Variants in PRELID2 observed in about 807,000 individuals in gnomAD.
PRELID2 encodes the protein PRELI domain-containing protein 2.
A neutral mutation model predicts 28.4 loss-of-function variants in PRELID2; 25 were observed. The observed-to-expected ratio is 0.88, with a 90% CI of 0.64 to 1.23. PRELID2 has a LOEUF of 1.23. Among genes scored for constraint, PRELID2 ranks in the 50% most tolerant of loss-of-function variants. PRELID2 has a pLI of 0.00. For synonymous variants in PRELID2, 76 were observed against 71.6 expected (o/e 1.06, Z -0.31); for missense variants, 201 against 214.4 (o/e 0.94, Z 0.39).
chr5:145,533,303 A>T (rs972900752), intron 1 of PRELID2, among the ~76,000 whole-genome samples: 1 of 152,048 alleles, frequency 6.6e-6, no homozygotes, highest in African/African-American at 2.4e-5. Context: ...TCCCGATGCT[A>T]GCACCAAAAC....
chr5:145,229,675 G>A, the PRELID2 span: 1 of 778,860 alleles, frequency 1.3e-6, no homozygotes, highest in Non-Finnish European at 2.3e-6. Context: ...ACCCCAGTAG[G>A]CACCATCCTT....
the PRELID2 span, among the ~76,000 whole-genome samples, chr5:145,350,478 T>C: frequency 6.6e-6 from 1 of 152,164 alleles, no homozygotes. Context: ...ATAGCTAGCC[T>C]GTAGTGAGAC....
At chr5:145,600,642 C>T (rs963850307) in intron 1 of PRELID2, among the ~76,000 whole-genome samples, 7 of 151,764 alleles carry the variant, frequency 4.6e-5, no homozygotes, top group Non-Finnish European at 8.8e-5. Context: ...GAAAAACTCT[C>T]GATTTAGACT....
the PRELID2 span, among the ~76,000 whole-genome samples, chr5:145,302,198 C>A: frequency 5.3e-5 from 8 of 151,876 alleles, no homozygotes; most frequent in South Asian, 2.1e-4. Context: ...CTCACTTTGT[C>A]CCCCAGGCTG....
At chr5:145,329,749 T>C in the PRELID2 span, among the ~76,000 whole-genome samples, 1 of 152,202 alleles carries the variant, frequency 6.6e-6, no homozygotes, top group Non-Finnish European at 1.5e-5. Flanking sequence ...GGCTTCTCTC[T>C]CCCTATTTGA....
At chr5:145,331,870 G>T in the PRELID2 span, among the ~76,000 whole-genome samples, 1 of 152,068 alleles carries the variant, frequency 6.6e-6, no homozygotes, top group African/African-American at 2.4e-5. Context: ...AGTGTTGATG[G>T]TCTTTACAAT....
chr5:145,581,433 T>C (rs1753106623), intron 1 of PRELID2, among the ~76,000 whole-genome samples: 1 of 152,102 alleles, frequency 6.6e-6, no homozygotes, highest in African/African-American at 2.4e-5. Flanking sequence ...GTCTTCATTC[T>C]TGGGACAGTT....
the PRELID2 span, among the ~76,000 whole-genome samples, chr5:145,404,344 AAC>A: frequency 6.6e-6 from 1 of 152,342 alleles, no homozygotes; most frequent in South Asian, 2.1e-4. Context: ...CAACACAAGC[AAC>A]AGAGACTGTG....
At chr5:145,444,677 CAGATATTT>C in the PRELID2 span, among the ~76,000 whole-genome samples, 1 of 151,968 alleles carries the variant, frequency 6.6e-6, no homozygotes, top group Non-Finnish European at 1.5e-5. Flanking sequence ...CAAAGACACA[CAGATATTT>C]AGCTAATGAT....
intron 1 of PRELID2, among the ~76,000 whole-genome samples, chr5:145,514,106 G>A (rs10037134): frequency 0.018 from 2,759 of 152,160 alleles, 73 homozygotes; most frequent in African/African-American, 0.063. Context: ...AAAATTACCA[G>A]CTAGCATCAT....
chr5:145,409,776 A>G, the PRELID2 span, among the ~76,000 whole-genome samples: 1 of 151,402 alleles, frequency 6.6e-6, no homozygotes, highest in East Asian at 1.9e-4. Context: ...AGACAAAGAG[A>G]GACATTATAT....
the PRELID2 span, among the ~76,000 whole-genome samples, chr5:145,341,441 G>A: frequency 6.6e-6 from 1 of 152,110 alleles, no homozygotes; most frequent in East Asian, 1.9e-4. Flanking sequence ...TCAGGAGGCT[G>A]AGGGATGAGA....
chr5:145,826,195 G>A, intron 1 of PRELID2: 1 of 984,932 alleles, frequency 1.0e-6, no homozygotes, highest in Non-Finnish European at 1.2e-6. Context: ...CTCAAAGCGT[G>A]GAAACCTATC....
intron 1 of PRELID2, among the ~76,000 whole-genome samples, chr5:145,620,840 C>A (rs76764595): frequency 0.14 from 20,606 of 151,766 alleles, 2,024 homozygotes; most frequent in African/African-American, 0.26. Flanking sequence ...CACACACACA[C>A]ACAAAATTAA....
At chr5:145,718,032 AG>A (rs1045896835) in intron 1 of PRELID2, among the ~76,000 whole-genome samples, 25 of 152,176 alleles carry the variant, frequency 1.6e-4, no homozygotes, top group African/African-American at 5.8e-4. Context: ...GGATAATTGA[AG>A]TTCGTGGAAA....
At chr5:145,360,748 T>C in the PRELID2 span, among the ~76,000 whole-genome samples, 4,605 of 152,320 alleles carry the variant, frequency 0.03, 97 homozygotes, top group Non-Finnish European at 0.046. Flanking sequence ...GGAGTTATAA[T>C]AATTCCAATC....
At chr5:145,600,518 TA>T (rs1323295571) in intron 1 of PRELID2, among the ~76,000 whole-genome samples, 1 of 150,596 alleles carries the variant, frequency 6.6e-6, no homozygotes, top group African/African-American at 2.5e-5. Flanking sequence ...AAAAACTGAA[TA>T]TGAAACTCAC....
At chr5:145,377,527 G>A in the PRELID2 span, among the ~76,000 whole-genome samples, 1 of 152,226 alleles carries the variant, frequency 6.6e-6, no homozygotes, top group Non-Finnish European at 1.5e-5. Context: ...CTAAGAACTT[G>A]CTTTATGAAT....
the PRELID2 span, among the ~76,000 whole-genome samples, chr5:145,236,062 G>C: frequency 6.6e-6 from 1 of 152,068 alleles, no homozygotes; most frequent in Non-Finnish European, 1.5e-5. Context: ...GATTTCCATA[G>C]GTTCTGTCTT....
Sources: allele counts gnomAD v4.1 joint callset (sites outside exome capture counted in the v4.1 genomes callset), GRCh38; gene constraint gnomAD v4.1.1; transcripts MANE v1.5; gene names NCBI Gene and HGNC (gene_info 2026-07-23, HGNC 2026-07-21).